The following DYNC2H1 variants were observed in gnomAD, a reference collection of about 807,000 sequenced individuals.
DYNC2H1 encodes dynein cytoplasmic 2 heavy chain 1.
A neutral mutation model predicts 570.0 loss-of-function variants in DYNC2H1; 410 were observed. The observed-to-expected ratio is 0.72, with a 90% CI of 0.66 to 0.78. DYNC2H1 has a LOEUF of 0.78. Among genes scored for constraint, DYNC2H1 ranks in the 30% least tolerant of loss-of-function variants. DYNC2H1 has a pLI of 0.00. For synonymous variants in DYNC2H1, 1,688 were observed against 1,677.6 expected, an observed-to-expected ratio of 1.01 and a Z score of -0.15; for missense variants, 4,865 against 5,046.4, an observed-to-expected ratio of 0.96 and a Z score of 1.09.
At chr11:103,316,719 C>A in intron 80 of DYNC2H1, 99 bp downstream of exon 80, 1 of 869,670 alleles carries the variant, frequency 1.1e-6, no homozygotes, top group East Asian at 3.1e-5. Flanking sequence ...CTTCCTATCA[C>A]AAAATTTGCT....
At chr11:103,118,185 G>C (rs1452040220) in intron 6 of DYNC2H1, among the ~76,000 whole-genome samples, 1 of 151,966 alleles carries the variant, frequency 6.6e-6, no homozygotes, top group Non-Finnish European at 1.5e-5. Context: ...TTTTTAAGTG[G>C]TATTCAGTGG....
chr11:103,204,875 T>G lies in DYNC2H1; in HGVS notation c.8365T>G (p.Phe2789Val). ...VLIMDSANSNFMINCESNPAL... is the reference protein window; with the variant it reads ...VLIMDSANSNVMINCESNPAL... ...GATAATGGATTCTGCAAATTCAAAC[T>G]TCATGATAAACTGTGAGAGTAATCC... Residue 2789 changes from phenylalanine to valine, a missense_variant, in exon 52 of 89, where the codon TTC becomes GTC. This residue lies in a region of DYNC2H1 where 2,401 missense variants were observed against 2,454.6 expected (regional missense o/e 0.98). Coordinates refer to ENST00000375735, the MANE Select transcript of DYNC2H1 (RefSeq NM_001377.3). This position sits in a 1 kb window ranked among gnomAD's most constrained non-coding sequence, Gnocchi z 4.1. 1 of 1,591,154 alleles carries G rather than the reference T, an allele frequency of 6.3e-7. No individual in the cohort carries two copies. The highest frequency in any genetic ancestry group is 8.6e-7 in the Non-Finnish European group (1 of 1,167,516).
intron 88 of DYNC2H1, among the ~76,000 whole-genome samples, chr11:103,478,154 C>A (rs1207949442): frequency 1.3e-5 from 2 of 152,218 alleles, no homozygotes; most frequent in African/African-American, 2.4e-5. Flanking sequence ...CCCACCAGTT[C>A]ATAATACCAT....
intron 82 of DYNC2H1, among the ~76,000 whole-genome samples, chr11:103,353,769 A>G (rs1335654175): frequency 6.6e-6 from 1 of 152,182 alleles, no homozygotes; most frequent in African/African-American, 2.4e-5. Flanking sequence ...ATGTTTAACT[A>G]TTAACATATA....
At chr11:103,119,696 A>C (rs1458796418) in intron 6 of DYNC2H1, among the ~76,000 whole-genome samples, 1 of 152,090 alleles carries the variant, frequency 6.6e-6, no homozygotes, top group African/African-American at 2.4e-5. Context: ...AGCCCAGCCC[A>C]TGTTGTACAT....
rs1379152381 is a variant in DYNC2H1, at chr11:103,436,087, T to TA, written c.12456+56dup. ...GTCTGACTGTGTGACTATTGTATTA[T>TA]AGAGATAACCATTGTGCTAATCACT... On this transcript the variant is annotated intron_variant, in intron 85 of 88. Transcript: ENST00000375735. The TA allele has an allele frequency of 2.7e-6, 4 of 1,486,774 alleles. No homozygotes were observed. In the African/African-American group the frequency reaches 5.5e-5, roughly 21 times the overall value. The allele number at this position is 1,486,774 out of a possible 1,614,324, so 92.1% of individuals were successfully genotyped here. A position where few individuals can be genotyped will look rare whatever the true frequency, so the allele number is the denominator to read the frequency against.
chr11:103,456,223 T>C (rs1420193818), intron 86 of DYNC2H1, 52 bp from the exon 87 acceptor site: 1 of 1,413,770 alleles, frequency 7.1e-7, no homozygotes, highest in Non-Finnish European at 9.7e-7. Flanking sequence ...ACTCTTCATA[T>C]TTTAATTCCT....
At chr11:103,262,184 A>T (rs2135280005) in intron 70 of DYNC2H1, among the ~76,000 whole-genome samples, 1 of 152,370 alleles carries the variant, frequency 6.6e-6, no homozygotes, top group East Asian at 1.9e-4. Flanking sequence ...AAAGCCTCCA[A>T]GAATTATGGG....
chr11:103,206,586 A>G (rs1217050168), intron 52 of DYNC2H1, among the ~76,000 whole-genome samples: 1 of 152,188 alleles, frequency 6.6e-6, no homozygotes, highest in Non-Finnish European at 1.5e-5. Context: ...GGAAGAACCA[A>G]AGGACACTGA....
intron 73 of DYNC2H1, among the ~76,000 whole-genome samples, chr11:103,285,344 G>A (rs1368352474): frequency 1.3e-5 from 2 of 152,046 alleles, no homozygotes; most frequent in African/African-American, 4.8e-5. Context: ...AACTGATTTA[G>A]CTGGTGAAGG....
At chr11:103,470,576 C>A (rs1180586118) in intron 88 of DYNC2H1, among the ~76,000 whole-genome samples, 1 of 152,168 alleles carries the variant, frequency 6.6e-6, no homozygotes, top group Non-Finnish European at 1.5e-5. Context: ...TCCCACCACC[C>A]CACAACAGTC....
At chr11:103,156,197 T>A (rs1860809194) in intron 25 of DYNC2H1, among the ~76,000 whole-genome samples, 191 bp from the exon 26 acceptor site, 1 of 152,008 alleles carries the variant, frequency 6.6e-6, no homozygotes, top group Non-Finnish European at 1.5e-5. Context: ...ATACTTAGTA[T>A]CTTACATGCT....
Position 103,179,107 on chromosome 11 carries a change from G to A in DYNC2H1, c.6221G>A (p.Arg2074Gln), listed in dbSNP as rs758993842. ...ESLNSVLDDN[R>Q]LLTMPSGERI... ...CTGAATTCTGTTCTGGATGATAATC[G>A]ACTGCTGACTATGCCCAGTGGAGAA... The change falls in exon 39 of 89, where the codon CGA becomes CAA. Residue 2074 changes from arginine (R) to glutamine (Q), a missense_variant. Transcript: ENST00000375735. The A allele has an allele frequency of 2.5e-6, 4 of 1,612,908 alleles. No homozygotes were observed. Among genetic ancestry groups the A allele is most frequent in the Non-Finnish European group, 1.7e-6 (2 of 1,179,248 alleles).
intron 12 of DYNC2H1, among the ~76,000 whole-genome samples, 157 bp from the exon 13 acceptor site, chr11:103,128,753 T>C (rs1410611705): frequency 6.6e-6 from 1 of 152,210 alleles, no homozygotes; most frequent in Non-Finnish European, 1.5e-5. Context: ...TGATTGTGTG[T>C]ATTAATACAT....
Position 103,219,940 on chromosome 11 carries a change from T to C in DYNC2H1, c.8858T>C (p.Leu2953Pro). 1.3e-6 allele frequency: 2 copies of C among 1,521,822 alleles called. No homozygotes were observed. The highest frequency in any genetic ancestry group is 1.8e-6 in the Non-Finnish European group (2 of 1,142,528). The allele number at this position is 1,521,822 out of a possible 1,614,324, so 94.3% of individuals were successfully genotyped here. The change falls in exon 56 of 89, where the codon CTT (leucine) becomes CCT (proline). Residue 2953 changes from leucine to proline, a missense_variant. Around this residue, in one of 5 missense-constraint regions of DYNC2H1, gnomAD observed 2,401 missense variants for 2,454.6 expected, o/e 0.98. Transcript: ENST00000375735. Reference protein sequence around the residue: ...MQDASEQKTELERLKHRIAEE... With the variant: ...MQDASEQKTEPERLKHRIAEE... Reference sequence around the variant, plus strand: ...GATGCTAGTGAGCAAAAAACAGAACTTGAAAGACTGAAGCACAGAATAGCA... The same window carrying C: ...GATGCTAGTGAGCAAAAAACAGAACCTGAAAGACTGAAGCACAGAATAGCA...
At chr11:103,109,900 CT>C in intron 1 of DYNC2H1, 131 bp downstream of exon 1, 3 of 954,180 alleles carry the variant, frequency 3.1e-6, no homozygotes, top group Non-Finnish European at 4.5e-6. Flanking sequence ...GCTGTCTCCA[CT>C]TCTCCTGCAT....
intron 83 of DYNC2H1, among the ~76,000 whole-genome samples, chr11:103,396,290 G>T (rs1329044378): frequency 6.6e-6 from 1 of 152,284 alleles, no homozygotes; most frequent in Non-Finnish European, 1.5e-5. Context: ...TGCAACTCAG[G>T]AATAGGCCAA....
At position 103,358,321 on chromosome 11, in the gene DYNC2H1, C is replaced by G; in HGVS notation, c.12118C>G (p.Leu4040Val). The change falls in exon 83 of 89, where the codon CTT (leucine) becomes GTT (valine). Residue 4040 changes from leucine to valine, a missense_variant. Leu to Val is a conservative substitution (Grantham distance 32). Coordinates refer to ENST00000375735, the MANE Select transcript of DYNC2H1 (RefSeq NM_001377.3). ...KFDREIWSNELSPVLNLWKKL... is the reference protein window; with the variant it reads ...KFDREIWSNEVSPVLNLWKKL... ...TGATAGAGAAATCTGGTCTAATGAA[C>G]TTTCTCCTGTCCTCAATCTCTGGAA... 1.3e-6 allele frequency: 2 copies of G among 1,586,426 alleles called. No individual in the cohort carries two copies. Among genetic ancestry groups the G allele is most frequent in the Non-Finnish European group, 1.7e-6 (2 of 1,164,794 alleles).
Position 103,299,705 on chromosome 11 carries a change from C to T in DYNC2H1, c.11096-3388C>T, listed in dbSNP as rs560093921. On this transcript the variant is annotated intron_variant, in intron 75 of 88. Coordinates refer to ENST00000375735, the MANE Select transcript of DYNC2H1 (RefSeq NM_001377.3). This position sits in a 1 kb window ranked among gnomAD's most constrained non-coding sequence, Gnocchi z 4.5. The stretch of plus-strand genomic sequence containing the variant: ...CAAGGGGTCAATTGATTAGCTTGGC[C>T]CACCTGAATAACACAGGATAATCTT... 1.3e-5 allele frequency among the ~76,000 whole-genome samples: 2 copies of T among 152,058 alleles called. No individual in the cohort carries two copies. Among genetic ancestry groups the T allele is most frequent in the African/African-American group, 2.4e-5 (1 of 41,408 alleles).
Sources: gnomAD v4.1 joint callset for allele counts (sites outside exome capture counted in the v4.1 genomes callset) on GRCh38, gnomAD v4.1.1 for gene constraint, gnomAD v4.1.1 regional missense constraint, Gnocchi (gnomAD v3.1) non-coding constraint, MANE v1.5 for transcripts, NCBI Gene and HGNC (gene_info 2026-07-23, HGNC 2026-07-21) for gene names.